The following AKAP6 variants were observed in gnomAD, a reference collection of about 807,000 sequenced individuals.
AKAP6 encodes A-kinase anchor protein 6.
In AKAP6, 58 loss-of-function variants were observed where a neutral mutation model predicts 188.5. The observed-to-expected ratio is 0.31, with a 90% CI of 0.25 to 0.38. The LOEUF (loss-of-function observed/expected upper bound fraction) is 0.38. AKAP6 is among the 10% of genes least tolerant of loss of function. AKAP6 has a pLI of 1.00. For missense variants in AKAP6, 2,710 were observed against 2,740.0 expected, an observed-to-expected ratio of 0.99 and a Z score of 0.24; for synonymous variants, 989 against 998.6, an observed-to-expected ratio of 0.99 and a Z score of 0.18.
At chr14:32,441,659 G>A (rs1474075145) in intron 2 of AKAP6, among the ~76,000 whole-genome samples, 5 of 147,242 alleles carry the variant, frequency 3.4e-5, no homozygotes, top group Admixed American at 1.3e-4. Flanking sequence ...GCACATTATC[G>A]CAGAAGATCT....
chr14:32,597,851 A>G (rs1389539813), intron 5 of AKAP6, among the ~76,000 whole-genome samples: 1 of 152,114 alleles, frequency 6.6e-6, no homozygotes, highest in Non-Finnish European at 1.5e-5. Context: ...GCATATCTCT[A>G]TCTCCTTCAT....
chr14:32,369,051 T>C (rs553130749), intron 1 of AKAP6, among the ~76,000 whole-genome samples: 31 of 152,264 alleles, frequency 2.0e-4, no homozygotes, highest in African/African-American at 7.2e-4. Context: ...TTAATAATTA[T>C]TCTGGGACAA....
rs35969035 is a variant in AKAP6 at position 32,360,712 on chromosome 14, AGTGTGTGTGT to A, written c.-35+31334_-35+31343del. Reference sequence around the variant, plus strand: ...CAGATTGTTCCAGTTTTGGCCATTGAGTGTGTGTGTGTGTGTGTGTGTGTGTGTGTGTGTG... The same window carrying A: ...CAGATTGTTCCAGTTTTGGCCATTGAGTGTGTGTGTGTGTGTGTGTGTGTG... On this transcript the variant is annotated intron_variant, in intron 1 of 13. Coordinates refer to ENST00000280979, the MANE Select transcript of AKAP6 (RefSeq NM_004274.5). Among the ~76,000 whole-genome samples, 203 of 136,118 alleles carry A rather than the reference AGTGTGTGTGT, an allele frequency of 1.5e-3. 1 individual carries two copies. The East Asian group carries it at 0.025, about 17-fold the overall frequency. 89.3% of individuals were successfully genotyped at this position (136,118 alleles called of 152,430 possible).
chr14:32,377,936 T>G (rs2138539642), intron 1 of AKAP6, among the ~76,000 whole-genome samples: 1 of 152,206 alleles, frequency 6.6e-6, no homozygotes, highest in Middle Eastern at 3.4e-3. Context: ...GTGGTGGTGG[T>G]GGTATATTGA....
chr14:32,504,462 G>T (rs962284127), intron 2 of AKAP6, among the ~76,000 whole-genome samples: 1 of 152,002 alleles, frequency 6.6e-6, no homozygotes, highest in Non-Finnish European at 1.5e-5. Flanking sequence ...TGTATTTTTA[G>T]TAGAGACAGG....
At chr14:32,620,001 G>A (rs772434885) in intron 7 of AKAP6, among the ~76,000 whole-genome samples, 30 of 152,114 alleles carry the variant, frequency 2.0e-4, no homozygotes, top group Non-Finnish European at 7.4e-5. Context: ...TTGGTGTATA[G>A]TGGTGCTACT....
chr14:32,474,638 A>G (rs1878962781), intron 2 of AKAP6: 1 of 152,262 alleles, frequency 6.6e-6, no homozygotes, highest in Non-Finnish European at 1.5e-5. Flanking sequence ...CATTAAAGAA[A>G]TAGGGATTGA....
At chr14:32,605,875 C>T (rs1342085596) in intron 7 of AKAP6, among the ~76,000 whole-genome samples, 1 of 152,094 alleles carries the variant, frequency 6.6e-6, no homozygotes, top group African/African-American at 2.4e-5. Flanking sequence ...CTACTGGGAG[C>T]TTGAGAAGCA....
intron 12 of AKAP6, among the ~76,000 whole-genome samples, chr14:32,779,230 T>C (rs1056486804): frequency 1.3e-4 from 19 of 150,738 alleles, no homozygotes; most frequent in African/African-American, 4.4e-4. Context: ...ACCCCGTCAC[T>C]ACAAAAAAAT....
At chr14:32,654,999 G>A (rs1265525692) in intron 7 of AKAP6, among the ~76,000 whole-genome samples, 1 of 152,150 alleles carries the variant, frequency 6.6e-6, no homozygotes, top group Admixed American at 6.5e-5. Flanking sequence ...CAATTTTTGG[G>A]TGGTAAAATA....
intron 12 of AKAP6, among the ~76,000 whole-genome samples, chr14:32,786,831 A>G (rs1398313934): frequency 6.6e-6 from 1 of 152,214 alleles, no homozygotes; most frequent in East Asian, 1.9e-4. Flanking sequence ...TTTTATTTCA[A>G]AGAGTGTGCT....
At chr14:32,479,213 A>G (rs1879218342) in intron 2 of AKAP6, among the ~76,000 whole-genome samples, 1 of 152,220 alleles carries the variant, frequency 6.6e-6, no homozygotes, top group African/African-American at 2.4e-5. Flanking sequence ...GAAAATAAAA[A>G]TAATCAGTGG....
intron 11 of AKAP6, among the ~76,000 whole-genome samples, chr14:32,752,573 A>G (rs1025857691): frequency 6.6e-6 from 1 of 152,202 alleles, no homozygotes; most frequent in African/African-American, 2.4e-5. Context: ...ATGTCGTGAC[A>G]TGATTAAATC....
chr14:32,397,064 A>G (rs1028089029), intron 1 of AKAP6, among the ~76,000 whole-genome samples: 2 of 152,186 alleles, frequency 1.3e-5, no homozygotes, highest in Non-Finnish European at 2.9e-5. Context: ...GCTTATTGAA[A>G]CACAAATTTC....
At chr14:32,578,129 A>G (rs1884810477) in intron 5 of AKAP6, among the ~76,000 whole-genome samples, 1 of 152,076 alleles carries the variant, frequency 6.6e-6, no homozygotes, top group Non-Finnish European at 1.5e-5. Context: ...TTGAATAAAC[A>G]TTATGTGGGA....
At chr14:32,757,854 G>A (rs984009954) in intron 11 of AKAP6, among the ~76,000 whole-genome samples, 22 of 152,188 alleles carry the variant, frequency 1.4e-4, no homozygotes, top group African/African-American at 5.1e-4. Context: ...GTGAAGAGAA[G>A]TGAGGAAATT....
intron 9 of AKAP6, among the ~76,000 whole-genome samples, chr14:32,698,194 A>C (rs1041385453): frequency 9.9e-5 from 15 of 152,132 alleles, no homozygotes; most frequent in Non-Finnish European, 1.2e-4. Context: ...GTGGCTCCTA[A>C]ATTAGAAAAA....
intron 1 of AKAP6, among the ~76,000 whole-genome samples, chr14:32,346,709 C>T (rs900327673): frequency 6.6e-6 from 1 of 152,164 alleles, no homozygotes; most frequent in Non-Finnish European, 1.5e-5. Flanking sequence ...GGGGTTTCAC[C>T]ATGTTAGCCA....
intron 7 of AKAP6, among the ~76,000 whole-genome samples, chr14:32,677,632 A>C (rs1889489686): frequency 6.6e-6 from 1 of 152,250 alleles, no homozygotes; most frequent in African/African-American, 2.4e-5. Context: ...TATTCAATAC[A>C]GTTTCATGCC....
Sources: gnomAD v4.1 joint callset for allele counts (sites outside exome capture counted in the v4.1 genomes callset) on GRCh38, gnomAD v4.1.1 for gene constraint, MANE v1.5 for transcripts, NCBI Gene and HGNC (gene_info 2026-07-23, HGNC 2026-07-21) for gene names.